Variants in TRPM3 observed in about 807,000 individuals in gnomAD.
TRPM3 encodes the protein transient receptor potential cation channel subfamily M member 3.
A neutral mutation model predicts 181.2 loss-of-function variants in TRPM3; 77 were observed. The observed-to-expected ratio is 0.42, with a 90% CI of 0.35 to 0.51. The LOEUF (loss-of-function observed/expected upper bound fraction) is 0.51, where lower values mean the gene tolerates loss of function less well. TRPM3 is among the 20% of genes least tolerant of loss of function. The pLI is 0.01. For synonymous variants in TRPM3, 745 were observed against 796.4 expected (o/e 0.94, Z 1.09); for missense variants, 1,759 against 2,196.7 (o/e 0.80, Z 3.98).
At chr9:70,695,903 G>A (rs1240199964) in intron 8 of TRPM3, among the ~76,000 whole-genome samples, 1 of 152,170 alleles carries the variant, frequency 6.6e-6, no homozygotes, top group Non-Finnish European at 1.5e-5. Context: ...CTGGCTTGAA[G>A]GCCCATTCTC....
intron 1 of TRPM3, among the ~76,000 whole-genome samples, chr9:71,374,374 AAAAAC>A (rs2092610685): frequency 6.6e-6 from 1 of 152,182 alleles, no homozygotes; most frequent in Non-Finnish European, 1.5e-5. Context: ...TCCGTGTCAA[AAAAAC>A]AAAACAAACA....
chr9:70,700,667 A>G (rs1319883524), intron 8 of TRPM3, among the ~76,000 whole-genome samples: 6 of 152,246 alleles, frequency 3.9e-5, no homozygotes, highest in African/African-American at 1.2e-4. Flanking sequence ...CTGCCATAGA[A>G]CAATGTGTGT....
intron 6 of TRPM3, among the ~76,000 whole-genome samples, chr9:70,798,374 T>A (rs1437217234): frequency 6.6e-6 from 1 of 152,168 alleles, no homozygotes; most frequent in African/African-American, 2.4e-5. Context: ...TACTATTTAC[T>A]TTAGCCCCTC....
chr9:70,901,830 C>T (rs904373479), intron 1 of TRPM3, among the ~76,000 whole-genome samples: 2 of 152,040 alleles, frequency 1.3e-5, no homozygotes, highest in Admixed American at 1.3e-4. Flanking sequence ...ATTAATGACC[C>T]AGAGAATGAC....
chr9:71,069,712 G>A (rs925999556), intron 1 of TRPM3, among the ~76,000 whole-genome samples: 7 of 150,896 alleles, frequency 4.6e-5, no homozygotes, highest in Admixed American at 2.0e-4. Flanking sequence ...AGGTTCAAGC[G>A]ATTCTCCTGC....
chr9:71,434,722 G>C (rs2094007528), intron 1 of TRPM3, among the ~76,000 whole-genome samples: 1 of 152,140 alleles, frequency 6.6e-6, no homozygotes, highest in Non-Finnish European at 1.5e-5. Context: ...TTTTTGAAAA[G>C]AAAGGGAGAC....
chr9:71,380,351 C>G (rs10512007), intron 1 of TRPM3, among the ~76,000 whole-genome samples: 1 of 151,668 alleles, frequency 6.6e-6, no homozygotes, highest in Non-Finnish European at 1.5e-5. Flanking sequence ...CCCTATGTTG[C>G]GAGGAAGTAT....
At chr9:70,909,223 G>A (rs1321002427) in intron 1 of TRPM3, among the ~76,000 whole-genome samples, 2 of 152,216 alleles carry the variant, frequency 1.3e-5, no homozygotes, top group African/African-American at 4.8e-5. Context: ...TAATTTAGAA[G>A]AGTATCCTGA....
At position 71,239,088 on chromosome 9, in the gene TRPM3, C is replaced by CA. The variant is rs929454771; in HGVS notation, c.183+207564dup. The stretch of plus-strand genomic sequence containing the variant: ...TTGAAGAAGGAAAAAAACAAACAAA[C>CA]AAAAAAAAACAGCATTTTAAAACTC... On this transcript the variant is annotated intron_variant, in intron 1 of 24. Coordinates refer to the TRPM3 transcript ENST00000357533. Among the ~76,000 whole-genome samples the CA allele has an allele frequency of 4.7e-3, 708 of 149,992 alleles. 5 individuals are homozygous for CA. Among genetic ancestry groups the CA allele is most frequent in the African/African-American group, 0.016 (636 of 40,914 alleles).
intron 1 of TRPM3, among the ~76,000 whole-genome samples, chr9:71,238,819 G>T (rs563878088): frequency 2.6e-5 from 4 of 152,014 alleles, no homozygotes; most frequent in Non-Finnish European, 4.4e-5. Context: ...CCTGTGGAAG[G>T]CATTTGAGCT....
chr9:71,360,514 A>T (rs2092097902), intron 1 of TRPM3, among the ~76,000 whole-genome samples: 1 of 152,216 alleles, frequency 6.6e-6, no homozygotes, highest in Admixed American at 6.5e-5. Context: ...GAATGAAAGA[A>T]CAAAGATGCA....
At chr9:70,861,694 T>C (rs1458634781) in intron 3 of TRPM3, among the ~76,000 whole-genome samples, 1 of 152,164 alleles carries the variant, frequency 6.6e-6, no homozygotes, top group Admixed American at 6.5e-5. Flanking sequence ...GGCAAATGCA[T>C]CTCTTAAGTG....
rs551491886 is a variant in TRPM3, at chr9:71,332,647, T to C, written c.183+114006A>G. ...CAGTTTCCTTACCAATTTATTCCTA[T>C]ATTTCATTTTAGTTGCACAATTTCA... On this transcript the variant is annotated intron_variant, in intron 1 of 24. Coordinates refer to the TRPM3 transcript ENST00000357533. 1.4e-4 allele frequency among the ~76,000 whole-genome samples: 21 copies of C among 151,984 alleles called. 1 individual carries two copies. Among genetic ancestry groups the C allele is most frequent in the Admixed American group, 1.3e-3 (20 of 15,268 alleles).
chr9:71,419,057 AC>A (rs112607824), intron 1 of TRPM3, among the ~76,000 whole-genome samples: 11 of 151,326 alleles, frequency 7.3e-5, no homozygotes, highest in African/African-American at 2.4e-4. Flanking sequence ...GGGAATGCAA[AC>A]CTGAGGAAAA....
chr9:71,427,184 G>C (rs1188444264), intron 1 of TRPM3, among the ~76,000 whole-genome samples: 3 of 152,074 alleles, frequency 2.0e-5, no homozygotes, highest in Non-Finnish European at 4.4e-5. Flanking sequence ...CCAGGTTGTT[G>C]TTGATAGACT....
chr9:70,865,710 A>G (rs1337024), intron 1 of TRPM3, among the ~76,000 whole-genome samples: 36,061 of 151,992 alleles, frequency 0.24, 4,452 homozygotes, highest in East Asian at 0.27. Context: ...TTAGGCAAGC[A>G]TGTGGCACCG....
At chr9:70,840,257 C>T (rs2094554958) in intron 5 of TRPM3, among the ~76,000 whole-genome samples, 1 of 152,064 alleles carries the variant, frequency 6.6e-6, no homozygotes, top group Admixed American at 6.5e-5. Flanking sequence ...TATTCTAGTT[C>T]CCTAGTTTTA....
intron 1 of TRPM3, among the ~76,000 whole-genome samples, chr9:71,131,898 C>G (rs1329744): frequency 0.32 from 48,647 of 151,982 alleles, 9,017 homozygotes; most frequent in Middle Eastern, 0.47. Flanking sequence ...ATTCAATTGC[C>G]ACTCATTAAA....
chr9:71,014,256 C>A lies in TRPM3; in HGVS notation c.177+106922G>T, dbSNP rs935361748. ...TATTTCTTGTTCTATGAATTGTAAG[C>A]AGAAAATATTATATTTTTGCATTTT... On this transcript the variant is annotated intron_variant, in intron 1 of 25. Transcript: ENST00000677713. Among the ~76,000 whole-genome samples, 5 of 151,866 alleles carry A rather than the reference C, an allele frequency of 3.3e-5. 1 individual carries two copies. Among genetic ancestry groups the A allele is most frequent in the African/African-American group, 1.2e-4 (5 of 41,396 alleles).
Sources: gnomAD v4.1 joint callset for allele counts (sites outside exome capture counted in the v4.1 genomes callset) on GRCh38, gnomAD v4.1.1 for gene constraint, MANE v1.5 for transcripts, NCBI Gene and HGNC (gene_info 2026-07-23, HGNC 2026-07-21) for gene names.